PARP1: variants seen among roughly 807,000 people sequenced by gnomAD.
PARP1 encodes poly [ADP-ribose] polymerase 1.
A neutral mutation model predicts 118.7 loss-of-function variants in PARP1; 44 were observed. That is an observed-to-expected ratio of 0.37 (90% CI 0.29 to 0.48). The LOEUF (loss-of-function observed/expected upper bound fraction) is 0.48, where lower values mean the gene tolerates loss of function less well. PARP1 is among the 20% of genes least tolerant of loss of function. PARP1 has a pLI of 0.99. For missense variants in PARP1, 1,100 were observed against 1,272.4 expected, an observed-to-expected ratio of 0.86 and a Z score of 2.06; for synonymous variants, 492 against 483.2, an observed-to-expected ratio of 1.02 and a Z score of -0.24.
intron 8 of PARP1, among the ~76,000 whole-genome samples, chr1:226,382,678 C>T (rs765404137): frequency 2.0e-5 from 3 of 152,172 alleles, no homozygotes; most frequent in African/African-American, 4.8e-5. Context: ...GGCACATACT[C>T]GGATTAATTT....
chr1:226,374,385 C>G (rs749156588), intron 13 of PARP1, 31 bp from the exon 14 acceptor site: 178 of 1,613,904 alleles, frequency 1.1e-4, no homozygotes, highest in Non-Finnish European at 1.5e-4. Context: ...GCTAAGAGAC[C>G]CAAATCAACA....
At chr1:226,405,817 TA>T (rs1665136296) in intron 1 of PARP1, among the ~76,000 whole-genome samples, 1 of 152,030 alleles carries the variant, frequency 6.6e-6, no homozygotes, top group South Asian at 2.1e-4. Flanking sequence ...AAATGCGTAA[TA>T]AAAAGGCTCG....
Position 226,390,464 on chromosome 1 carries a change from G to A in PARP1, c.563C>T (p.Ala188Val), listed in dbSNP as rs912573046. ...CTTCAGGGCTTCTTTATCCTCTGTA[G>A]CAAGGAGGCTGAAGCCCTTGAGCTG... ...ASQLKGFSLL[A>V]TEDKEALKKQ... Residue 188 changes from alanine (A) to valine (V), a missense_variant, in exon 4 of 23, where the codon GCT becomes GTT. Ala to Val is a moderately conservative substitution (Grantham distance 64). Around this residue, in one of 2 missense-constraint regions of PARP1, gnomAD observed 948 missense variants for 1,031.8 expected, o/e 0.92. Transcript: ENST00000366794. 3.1e-6 allele frequency: 5 copies of A among 1,614,046 alleles called. No individual in the cohort carries two copies. In the African/African-American group the frequency reaches 6.7e-5, roughly 22 times the overall value.
intron 8 of PARP1, among the ~76,000 whole-genome samples, chr1:226,381,420 C>A (rs1051637022): frequency 6.6e-6 from 1 of 152,246 alleles, no homozygotes; most frequent in African/African-American, 2.4e-5. Context: ...GAGCAAGCCA[C>A]AAAATGCCAC....
At chr1:226,404,728 C>T (rs1381426849) in intron 1 of PARP1, among the ~76,000 whole-genome samples, 1 of 152,244 alleles carries the variant, frequency 6.6e-6, no homozygotes, top group Non-Finnish European at 1.5e-5. Context: ...ACTATCGACT[C>T]CATTTGTTAG....
In PARP1 at chr1:226,392,180, T is replaced by C. The variant is rs762568850; in HGVS notation, c.402+19A>G. 8.7e-6 allele frequency: 13 copies of C among 1,491,340 alleles called. No homozygotes were observed. The highest frequency in any genetic ancestry group is 7.5e-6 in the Non-Finnish European group (8 of 1,067,916). The allele number at this position is 1,491,340 out of a possible 1,614,324, so 92.4% of individuals were successfully genotyped here. On this transcript the variant is annotated intron_variant, in intron 3 of 22. Transcript: ENST00000366794. ...AAGCAATCCATAAAGTTCAGGGATC[T>C]GGGCCCCCAAGATCTTACCTTTTCT...
rs1180295035 is a variant in PARP1 at position 226,370,428 on chromosome 1, G to A, written c.2154+6C>T. ...TCCAGGAGGCCCCTGGTAGCCCTGTGCTTACCTGCTGGACCTCACTGAGGA... is the reference window on the plus strand; with the variant it reads ...TCCAGGAGGCCCCTGGTAGCCCTGTACTTACCTGCTGGACCTCACTGAGGA... On this transcript the variant is annotated splice_donor_region_variant and intron_variant, in intron 15 of 22. Coordinates refer to ENST00000366794, the MANE Select transcript of PARP1 (RefSeq NM_001618.4). 3.7e-6 allele frequency: 6 copies of A among 1,611,432 alleles called. No individual in the cohort carries two copies. The highest frequency in any genetic ancestry group is 5.1e-6 in the Non-Finnish European group (6 of 1,177,644).
In PARP1 at chr1:226,392,344, T is replaced by A. The variant is rs764246283; in HGVS notation, c.287-30A>T. 8 of 1,515,370 alleles carry A rather than the reference T, an allele frequency of 5.3e-6. No homozygotes were observed. In the South Asian group the frequency reaches 6.7e-5, roughly 13 times the overall value. 93.9% of individuals were successfully genotyped at this position (1,515,370 alleles called of 1,614,324 possible). A position where few individuals can be genotyped will look rare whatever the true frequency, so the allele number is the denominator to read the frequency against. ...AGAATCAAACAGACAGCAATGCTCA[T>A]CTCAACAGCCCCAAAATGCAGCTCA... On this transcript the variant is annotated intron_variant, in intron 2 of 22. Coordinates refer to ENST00000366794, the MANE Select transcript of PARP1 (RefSeq NM_001618.4).
intron 17 of PARP1, 186 bp downstream of exon 17, chr1:226,367,294 C>T (rs1210585882): frequency 1.4e-5 from 10 of 692,348 alleles, no homozygotes; most frequent in South Asian, 9.9e-5. Flanking sequence ...ACACGTGAAA[C>T]GCCCAAAGGT....
intron 2 of PARP1, among the ~76,000 whole-genome samples, chr1:226,397,960 C>CG (rs1329889827): frequency 7.1e-6 from 1 of 141,554 alleles, no homozygotes; most frequent in Non-Finnish European, 1.5e-5. Flanking sequence ...CATCCACATG[C>CG]GAAAAAAAAA....
At chr1:226,403,097 G>A (rs1449924232) in intron 1 of PARP1, among the ~76,000 whole-genome samples, 1 of 152,190 alleles carries the variant, frequency 6.6e-6, no homozygotes, top group Non-Finnish European at 1.5e-5. Flanking sequence ...TGAGAAGTCT[G>A]GCCACAGGGA....
At chr1:226,370,789 C>T (rs187463400) in intron 14 of PARP1, 13 of 506,174 alleles carry the variant, frequency 2.6e-5, no homozygotes, top group Non-Finnish European at 4.4e-5. Context: ...TTCAAACAGT[C>T]CAGCACGTCT....
intron 1 of PARP1, among the ~76,000 whole-genome samples, chr1:226,402,862 T>C (rs1169137518): frequency 6.6e-6 from 1 of 152,214 alleles, no homozygotes; most frequent in Non-Finnish European, 1.5e-5. Flanking sequence ...GCTCTTTAAG[T>C]GCCTCTGCAG....
At chr1:226,363,354 T>C (rs1336686379) in intron 20 of PARP1, among the ~76,000 whole-genome samples, 194 bp from the exon 21 acceptor site, 1 of 152,142 alleles carries the variant, frequency 6.6e-6, no homozygotes, top group Non-Finnish European at 1.5e-5. Context: ...CGGCTGAACA[T>C]AGTTTGTGCC....
At chr1:226,392,835 G>A in intron 2 of PARP1, 1 of 1,131,200 alleles carries the variant, frequency 8.8e-7, no homozygotes, top group Non-Finnish European at 1.2e-6. Context: ...AGAGTTCTGG[G>A]GATCACTGGC....
At chr1:226,391,415 TC>T (rs1664817832) in intron 3 of PARP1, among the ~76,000 whole-genome samples, 1 of 152,104 alleles carries the variant, frequency 6.6e-6, no homozygotes, top group African/African-American at 2.4e-5. Context: ...CCAGGAGAGT[TC>T]CAGGCCTGGG....
intron 13 of PARP1, among the ~76,000 whole-genome samples, chr1:226,376,881 T>G (rs1462117336): frequency 6.6e-6 from 1 of 152,224 alleles, no homozygotes; most frequent in Non-Finnish European, 1.5e-5. Flanking sequence ...GTAGTTCTCC[T>G]GTGCTGCTTT....
At chr1:226,384,097 A>G (rs1664672177) in intron 7 of PARP1, among the ~76,000 whole-genome samples, 1 of 152,226 alleles carries the variant, frequency 6.6e-6, no homozygotes, top group Non-Finnish European at 1.5e-5. Flanking sequence ...GAATGCTAGC[A>G]TGCACTTGGA....
intron 13 of PARP1, among the ~76,000 whole-genome samples, chr1:226,376,790 T>C (rs1664496053): frequency 6.6e-6 from 1 of 152,224 alleles, no homozygotes; most frequent in Admixed American, 6.5e-5. Context: ...TAGATCCGTC[T>C]ATGCTGCTGG....
Sources: allele counts gnomAD v4.1 joint callset (sites outside exome capture counted in the v4.1 genomes callset), GRCh38; gene constraint gnomAD v4.1.1; regional missense constraint gnomAD v4.1.1; transcripts MANE v1.5; gene names NCBI Gene and HGNC (gene_info 2026-07-23, HGNC 2026-07-21).